Variants in RBFOX1 observed in about 807,000 individuals in gnomAD.
RBFOX1 encodes the protein RNA binding protein fox-1 homolog 1.
Under a neutral mutation model 57.7 loss-of-function variants are expected in RBFOX1, and 8 were observed. The observed-to-expected ratio is 0.14, with a 90% confidence interval of 0.08 to 0.25. The LOEUF (loss-of-function observed/expected upper bound fraction) is 0.25. Among genes scored for constraint, RBFOX1 ranks in the 10% least tolerant of loss-of-function variants. The probability of loss-of-function intolerance (pLI) is 1.00; values close to 1 mark genes in which losing one functional copy is unlikely to be tolerated. For synonymous variants in RBFOX1, 326 were observed against 222.4 expected, an observed-to-expected ratio of 1.47 and a Z score of -4.15; for missense variants, 611 against 548.5, an observed-to-expected ratio of 1.11 and a Z score of -1.14.
intron 4 of RBFOX1, among the ~76,000 whole-genome samples, chr16:7,156,354 T>TA (rs2077133431): frequency 1.3e-5 from 2 of 152,058 alleles, no homozygotes; most frequent in African/African-American, 4.8e-5. Context: ...TCTGTACATA[T>TA]ACATGCACAT....
intron 3 of RBFOX1, among the ~76,000 whole-genome samples, chr16:6,767,389 C>G (rs1033286466): frequency 6.6e-6 from 1 of 152,192 alleles, no homozygotes; most frequent in Non-Finnish European, 1.5e-5. Flanking sequence ...AGAAAGACCA[C>G]AGGGCTAGGA....
intron 3 of RBFOX1, among the ~76,000 whole-genome samples, chr16:5,640,455 C>T (rs140112655): frequency 6.6e-6 from 1 of 151,904 alleles, no homozygotes; most frequent in African/African-American, 2.4e-5. Context: ...CATGCATACA[C>T]AGGCACACAC....
chr16:6,503,690 C>G (rs1035759385), intron 2 of RBFOX1, among the ~76,000 whole-genome samples: 1 of 152,136 alleles, frequency 6.6e-6, no homozygotes, highest in African/African-American at 2.4e-5. Flanking sequence ...TGAGGAGCAT[C>G]TTTCATCCCT....
At chr16:6,356,484 G>A (rs915393656) in intron 2 of RBFOX1, among the ~76,000 whole-genome samples, 9 of 152,126 alleles carry the variant, frequency 5.9e-5, no homozygotes, top group African/African-American at 1.9e-4. Context: ...TTCCCTCTGT[G>A]GTTTTCCTCC....
At chr16:6,208,001 T>C (rs547909322) in intron 1 of RBFOX1, among the ~76,000 whole-genome samples, 1 of 152,270 alleles carries the variant, frequency 6.6e-6, no homozygotes, top group East Asian at 1.9e-4. Context: ...AAAATTTTTA[T>C]GTGTGTATAT....
At chr16:6,598,753 C>G (rs540545904) in intron 2 of RBFOX1, among the ~76,000 whole-genome samples, 2 of 152,096 alleles carry the variant, frequency 1.3e-5, no homozygotes, top group Non-Finnish European at 2.9e-5. Context: ...CGAGACCAGC[C>G]GGACCAATAT....
intron 4 of RBFOX1, among the ~76,000 whole-genome samples, chr16:7,277,833 C>T (rs982126089): frequency 5.9e-5 from 9 of 151,900 alleles, no homozygotes; most frequent in Non-Finnish European, 8.8e-5. Context: ...ATAAGAATTC[C>T]CACGTCAGTG....
intron 1 of RBFOX1, among the ~76,000 whole-genome samples, chr16:6,251,313 G>T (rs2097609226): frequency 6.6e-6 from 1 of 152,128 alleles, no homozygotes; most frequent in African/African-American, 2.4e-5. Flanking sequence ...AAACTGGGGG[G>T]AAGCCCTGCT....
chr16:6,273,304 G>C (rs1053752490), intron 1 of RBFOX1, among the ~76,000 whole-genome samples: 2 of 146,660 alleles, frequency 1.4e-5, no homozygotes, highest in African/African-American at 5.0e-5. Context: ...GAAAATCTTT[G>C]AGATTTAAAG....
At chr16:7,042,458 T>C (rs1038284320) in intron 3 of RBFOX1, among the ~76,000 whole-genome samples, 2 of 152,218 alleles carry the variant, frequency 1.3e-5, no homozygotes, top group African/African-American at 4.8e-5. Flanking sequence ...CCTCAGTTTT[T>C]CCACCTGTAA....
chr16:5,791,909 C>T (rs748982062), intron 3 of RBFOX1, among the ~76,000 whole-genome samples: 1 of 152,208 alleles, frequency 6.6e-6, no homozygotes, highest in East Asian at 1.9e-4. Context: ...GAAGAACCAG[C>T]AAGATGACTG....
chr16:6,679,384 G>T (rs780377233), intron 3 of RBFOX1, among the ~76,000 whole-genome samples: 3 of 152,066 alleles, frequency 2.0e-5, no homozygotes, highest in Non-Finnish European at 4.4e-5. Flanking sequence ...TTGCTATATT[G>T]GTGATGGAAA....
intron 4 of RBFOX1, among the ~76,000 whole-genome samples, chr16:5,889,727 A>G (rs1288211325): frequency 3.9e-5 from 6 of 152,104 alleles, no homozygotes; most frequent in African/African-American, 1.4e-4. Flanking sequence ...GAGGGATCTC[A>G]CCTAGTCCTG....
intron 4 of RBFOX1, among the ~76,000 whole-genome samples, chr16:7,459,968 A>G (rs1360572651): frequency 6.6e-6 from 1 of 152,198 alleles, no homozygotes; most frequent in Admixed American, 6.5e-5. Context: ...AGCAACAAGT[A>G]ATTGAAAATG....
At chr16:7,434,498 A>G (rs933124496) in intron 4 of RBFOX1, among the ~76,000 whole-genome samples, 10 of 151,906 alleles carry the variant, frequency 6.6e-5, no homozygotes, top group African/African-American at 2.4e-4. Flanking sequence ...AAATAAAAAT[A>G]AAAATAAAAA....
intron 2 of RBFOX1, among the ~76,000 whole-genome samples, chr16:6,521,536 C>A (rs1279245455): frequency 7.5e-6 from 1 of 134,030 alleles, no homozygotes; most frequent in Non-Finnish European, 1.5e-5. Flanking sequence ...CCTCCTTCCT[C>A]TCCTCTCCTC....
intron 3 of RBFOX1, among the ~76,000 whole-genome samples, chr16:6,876,879 T>C (rs1246763548): frequency 2.0e-5 from 3 of 152,214 alleles, no homozygotes; most frequent in Admixed American, 2.0e-4. Context: ...ATAGTGTAAA[T>C]GCAAAAGTGC....
At chr16:6,260,386 C>A (rs973957647) in intron 1 of RBFOX1, among the ~76,000 whole-genome samples, 10 of 152,068 alleles carry the variant, frequency 6.6e-5, no homozygotes, top group Admixed American at 6.6e-4. Context: ...ACATGGATGA[C>A]CCCAAAATGT....
intron 2 of RBFOX1, among the ~76,000 whole-genome samples, chr16:6,414,383 G>T (rs147926967): frequency 6.6e-6 from 1 of 152,230 alleles, no homozygotes; most frequent in East Asian, 1.9e-4. Flanking sequence ...TGTATTTCCC[G>T]GGCACCTACT....
Sources: gnomAD v4.1 joint callset for allele counts (sites outside exome capture counted in the v4.1 genomes callset) on GRCh38, gnomAD v4.1.1 for gene constraint, MANE v1.5 for transcripts, NCBI Gene and HGNC (gene_info 2026-07-23, HGNC 2026-07-21) for gene names.